The following FRAS1 variants were observed in gnomAD, a reference collection of about 807,000 sequenced individuals.
FRAS1 encodes Fraser extracellular matrix complex subunit 1.
A neutral mutation model predicts 435.2 loss-of-function variants in FRAS1; 290 were observed. The ratio of observed to expected loss-of-function variants is 0.67; its 90% CI spans 0.61 to 0.73. The LOEUF (loss-of-function observed/expected upper bound fraction) is 0.73. Among genes scored for constraint, FRAS1 ranks in the 30% least tolerant of loss-of-function variants. The pLI, the probability that FRAS1 is intolerant of heterozygous loss-of-function variation, is 0.00. For missense variants in FRAS1, 4,860 were observed against 5,001.5 expected, an observed-to-expected ratio of 0.97 and a Z score of 0.85; for synonymous variants, 1,800 against 1,851.0, an observed-to-expected ratio of 0.97 and a Z score of 0.71.
intron 40 of FRAS1, among the ~76,000 whole-genome samples, chr4:78,440,017 CTTTTTTTTTTTTT>C (rs1163344254): frequency 2.2e-5 from 2 of 93,022 alleles, no homozygotes; most frequent in Admixed American, 2.5e-4. Context: ...TAAGTCATTT[CTTTTTTTTTTTTT>C]TTTTTTTTTT....
chr4:78,263,074 A>T (rs1013753169), intron 6 of FRAS1, among the ~76,000 whole-genome samples: 31 of 152,328 alleles, frequency 2.0e-4, no homozygotes, highest in Non-Finnish European at 4.3e-4. Flanking sequence ...CTCTGTGGTT[A>T]GAAGGGCATG....
intron 61 of FRAS1, among the ~76,000 whole-genome samples, chr4:78,501,743 A>G (rs1054202385): frequency 6.6e-6 from 1 of 152,050 alleles, no homozygotes; most frequent in African/African-American, 2.4e-5. Context: ...CCATTTGTCT[A>G]TTTTGGCTTT....
intron 20 of FRAS1, among the ~76,000 whole-genome samples, chr4:78,343,109 T>C (rs567892238): frequency 6.6e-6 from 1 of 152,162 alleles, no homozygotes; most frequent in South Asian, 2.1e-4. Flanking sequence ...CCAGATAAAT[T>C]TGGGATTGAC....
In FRAS1 at chr4:78,412,994, C is replaced by T. The variant is rs200123789; in HGVS notation, c.4334C>T (p.Thr1445Ile). Residue 1445 changes from threonine (T) to isoleucine (I), a missense_variant, in exon 32 of 74, where the codon ACC becomes ATC. Transcript: ENST00000512123. ...FEVSSASNAQTRLESHMFNIA... is the reference protein window; with the variant it reads ...FEVSSASNAQIRLESHMFNIA... ...GTGTCCAGTGCCTCCAATGCCCAGA[C>T]CCGCCTGGAGAGCCACATGTTCAAC... The T allele has an allele frequency of 5.1e-4, 815 of 1,607,822 alleles. 2 individuals are homozygous for T. The highest frequency in any genetic ancestry group is 6.3e-4 in the Non-Finnish European group (742 of 1,177,440).
intron 34 of FRAS1, among the ~76,000 whole-genome samples, chr4:78,422,453 C>G (rs1456300523): frequency 6.6e-6 from 1 of 152,118 alleles, no homozygotes; most frequent in African/African-American, 2.4e-5. Context: ...AGACTGAGAG[C>G]TCAGTAAAGA....
chr4:78,405,735 C>G (rs781759343), intron 30 of FRAS1, among the ~76,000 whole-genome samples: 1 of 152,204 alleles, frequency 6.6e-6, no homozygotes, highest in Non-Finnish European at 1.5e-5. Context: ...CTTTCTGTCT[C>G]TCTTTCTCTC....
chr4:78,280,072 TAGAA>T (rs1391858681), intron 10 of FRAS1, among the ~76,000 whole-genome samples: 1 of 152,266 alleles, frequency 6.6e-6, no homozygotes, highest in Non-Finnish European at 1.5e-5. Context: ...CACAGTTTCA[TAGAA>T]AGATTTATTC....
At chr4:78,087,439 A>C (rs1308174398) in intron 2 of FRAS1, among the ~76,000 whole-genome samples, 1 of 152,208 alleles carries the variant, frequency 6.6e-6, no homozygotes, top group Non-Finnish European at 1.5e-5. Flanking sequence ...ATCTGGCAGG[A>C]GAAGGAAATA....
At position 78,543,116 on chromosome 4, in the gene FRAS1, C is replaced by T. The variant is rs1462801770; in HGVS notation, c.*1992C>T. 1 of 152,146 alleles carries T rather than the reference C, an allele frequency of 6.6e-6. No homozygotes were observed. The highest frequency in any genetic ancestry group is 1.5e-5 in the Non-Finnish European group (1 of 68,032). 9.4% of individuals were successfully genotyped at this position (152,146 alleles called of 1,614,324 possible). ...TGAGCCCAGAGTCTGAAACTCCTGACTGGTCAGGTGCTACTTAAGACCAGC... is the reference window on the plus strand; with the variant it reads ...TGAGCCCAGAGTCTGAAACTCCTGATTGGTCAGGTGCTACTTAAGACCAGC... On this transcript the variant is annotated 3_prime_UTR_variant, in exon 74 of 74. Coordinates refer to ENST00000512123, the MANE Select transcript of FRAS1 (RefSeq NM_025074.7).
intron 2 of FRAS1, among the ~76,000 whole-genome samples, chr4:78,098,703 A>C (rs1309526727): frequency 6.6e-6 from 1 of 152,218 alleles, no homozygotes; most frequent in Admixed American, 6.5e-5. Flanking sequence ...GTGAGTGATC[A>C]ATGCCCCTTA....
intron 45 of FRAS1, among the ~76,000 whole-genome samples, chr4:78,450,823 G>A (rs757232954): frequency 1.4e-4 from 22 of 152,132 alleles, no homozygotes; most frequent in Non-Finnish European, 2.6e-4. Context: ...AGGAAATGCT[G>A]ATGTAATGTA....
chr4:78,293,279 A>C (rs1727987038), intron 14 of FRAS1, among the ~76,000 whole-genome samples: 1 of 152,248 alleles, frequency 6.6e-6, no homozygotes, highest in Non-Finnish European at 1.5e-5. Flanking sequence ...CATGCCGTAT[A>C]CTTCTGAATT....
chr4:78,445,876 G>A (rs1233413616), intron 42 of FRAS1, 164 bp downstream of exon 42: 12 of 1,351,716 alleles, frequency 8.9e-6, no homozygotes, highest in Non-Finnish European at 9.5e-6. Context: ...TAGAATTAAG[G>A]TTGGCATTTG....
At chr4:78,458,723 A>T (rs542448315) in intron 47 of FRAS1, among the ~76,000 whole-genome samples, 1 of 152,198 alleles carries the variant, frequency 6.6e-6, no homozygotes, top group Non-Finnish European at 1.5e-5. Context: ...TGCAGAATTC[A>T]TGTAACTTCA....
chr4:78,170,098 C>G (rs1286833772), intron 2 of FRAS1, among the ~76,000 whole-genome samples: 2 of 152,028 alleles, frequency 1.3e-5, no homozygotes. Context: ...TTTTAAATGT[C>G]ATTTTGAGCT....
At position 78,438,680 on chromosome 4, in the gene FRAS1, C is replaced by A. The variant is rs1734525570; in HGVS notation, c.5328C>A (p.Ser1776=). 1 of 1,610,348 alleles carries A rather than the reference C, an allele frequency of 6.2e-7. No homozygotes were observed. The highest frequency in any genetic ancestry group is 2.2e-5 in the East Asian group (1 of 44,832). ...AGGTGGAAGAGCTCTCAGAAGTTTC[C>A]AATTTCACAATGGAAGACATCAATA... ...GSEVEELSEV[S]NFTMEDINNK... Residue 1776 remains serine, a synonymous_variant, in exon 39 of 74, where the codon TCC becomes TCA. Transcript: ENST00000512123.
At chr4:78,129,852 A>G (rs953187128) in intron 2 of FRAS1, among the ~76,000 whole-genome samples, 2 of 149,556 alleles carry the variant, frequency 1.3e-5, no homozygotes, top group Non-Finnish European at 3.0e-5. Flanking sequence ...CAACTCTCCA[A>G]CTCTCCATTT....
At chr4:78,172,010 C>A (rs1221121323) in intron 2 of FRAS1, among the ~76,000 whole-genome samples, 3 of 152,124 alleles carry the variant, frequency 2.0e-5, no homozygotes, top group African/African-American at 4.8e-5. Context: ...TCCGTCTTTA[C>A]CTTAAATGCC....
At chr4:78,313,889 A>G (rs556454128) in intron 15 of FRAS1, among the ~76,000 whole-genome samples, 1 of 152,280 alleles carries the variant, frequency 6.6e-6, no homozygotes, top group African/African-American at 2.4e-5. Flanking sequence ...ATTTGGTCTA[A>G]TGACTCCACT....
Sources: gnomAD v4.1 joint callset for allele counts (sites outside exome capture counted in the v4.1 genomes callset) on GRCh38, gnomAD v4.1.1 for gene constraint, MANE v1.5 for transcripts, NCBI Gene and HGNC (gene_info 2026-07-23, HGNC 2026-07-21) for gene names.